QTMAN: variants seen among roughly 807,000 people sequenced by gnomAD.
QTMAN encodes the protein tRNA-queuosine alpha-mannosyltransferase.
chr2:144,260,076 T>G, the QTMAN span, among the ~76,000 whole-genome samples: 1 of 152,192 alleles, frequency 6.6e-6, no homozygotes, highest in Non-Finnish European at 1.5e-5. Flanking sequence ...TGAGATAATA[T>G]GTAGTTAACT....
At chr2:144,163,176 A>T in the QTMAN span, among the ~76,000 whole-genome samples, 5 of 152,142 alleles carry the variant, frequency 3.3e-5, no homozygotes, top group African/African-American at 9.6e-5. Flanking sequence ...GTAAGACTAG[A>T]TACATAGGAA....
the QTMAN span, among the ~76,000 whole-genome samples, chr2:144,267,587 G>A: frequency 3.9e-5 from 6 of 152,188 alleles, no homozygotes; most frequent in African/African-American, 7.2e-5. Flanking sequence ...AACTGAAGGT[G>A]AAATTCACAG....
At chr2:144,022,934 A>G in the QTMAN span, among the ~76,000 whole-genome samples, 4 of 152,010 alleles carry the variant, frequency 2.6e-5, no homozygotes, top group African/African-American at 9.7e-5. Context: ...ATATATAAAA[A>G]TCCTATTTAG....
chr2:143,987,942 G>C, the QTMAN span, among the ~76,000 whole-genome samples: 15 of 152,140 alleles, frequency 9.9e-5, no homozygotes, highest in African/African-American at 2.9e-4. Context: ...AGAGGTTATC[G>C]ATACTCTTGA....
chr2:144,001,052 TAA>T, the QTMAN span, among the ~76,000 whole-genome samples: 1 of 151,988 alleles, frequency 6.6e-6, no homozygotes, highest in East Asian at 1.9e-4. Flanking sequence ...ATACTTTTCC[TAA>T]GTTATTTCAG....
At chr2:144,174,403 T>C in the QTMAN span, among the ~76,000 whole-genome samples, 1 of 152,228 alleles carries the variant, frequency 6.6e-6, no homozygotes, top group Non-Finnish European at 1.5e-5. Flanking sequence ...CCCTCATTGC[T>C]AAATGTCCAG....
the QTMAN span, among the ~76,000 whole-genome samples, chr2:144,195,022 T>C: frequency 6.6e-6 from 1 of 152,164 alleles, no homozygotes; most frequent in Non-Finnish European, 1.5e-5. Context: ...TTTGTAACTA[T>C]TCATGCCCCA....
the QTMAN span, among the ~76,000 whole-genome samples, chr2:144,296,067 T>G: frequency 6.6e-6 from 1 of 152,192 alleles, no homozygotes; most frequent in African/African-American, 2.4e-5. Flanking sequence ...AAGAATATAT[T>G]GTATGGACAT....
chr2:144,329,546 T>G, the QTMAN span, among the ~76,000 whole-genome samples: 2 of 152,218 alleles, frequency 1.3e-5, no homozygotes, highest in African/African-American at 2.4e-5. Context: ...TCAATTCAGG[T>G]TGTCACACTT....
At chr2:144,039,443 C>G in the QTMAN span, among the ~76,000 whole-genome samples, 1 of 152,046 alleles carries the variant, frequency 6.6e-6, no homozygotes, top group African/African-American at 2.4e-5. Flanking sequence ...CTTCTGGTTT[C>G]TAGGCGGGGG....
the QTMAN span, among the ~76,000 whole-genome samples, chr2:144,214,782 A>G: frequency 6.6e-6 from 1 of 152,332 alleles, no homozygotes; most frequent in African/African-American, 2.4e-5. Flanking sequence ...TCTGTGAGAA[A>G]ATTTAAAGCT....
the QTMAN span, among the ~76,000 whole-genome samples, chr2:144,024,680 C>G: frequency 6.6e-6 from 1 of 152,108 alleles, no homozygotes; most frequent in African/African-American, 2.4e-5. Flanking sequence ...AGAATGAAGA[C>G]CTGCTATGCA....
At chr2:144,096,035 G>T in the QTMAN span, among the ~76,000 whole-genome samples, 1 of 152,210 alleles carries the variant, frequency 6.6e-6, no homozygotes, top group African/African-American at 2.4e-5. Context: ...ACAAGAACAA[G>T]ATACTCTCTA....
the QTMAN span, among the ~76,000 whole-genome samples, chr2:144,073,132 A>G: frequency 1.3e-5 from 2 of 152,058 alleles, no homozygotes; most frequent in Non-Finnish European, 2.9e-5. Context: ...TTGCAACTTG[A>G]TAACAACATA....
the QTMAN span, among the ~76,000 whole-genome samples, chr2:144,303,044 G>C: frequency 1.1e-4 from 17 of 152,192 alleles, no homozygotes; most frequent in Admixed American, 1.1e-3. Context: ...GGAGGTTGCA[G>C]TGAGCAGAGA....
At chr2:144,196,841 T>G in the QTMAN span, among the ~76,000 whole-genome samples, 1 of 152,184 alleles carries the variant, frequency 6.6e-6, no homozygotes, top group Non-Finnish European at 1.5e-5. Context: ...GCATAATACA[T>G]GAACTCTACA....
the QTMAN span, among the ~76,000 whole-genome samples, chr2:144,108,861 T>C: frequency 6.6e-6 from 1 of 152,144 alleles, no homozygotes; most frequent in Non-Finnish European, 1.5e-5. Flanking sequence ...ACAAGGGATG[T>C]GAAGGACCTC....
At chr2:144,068,201 A>G in the QTMAN span, among the ~76,000 whole-genome samples, 1 of 152,232 alleles carries the variant, frequency 6.6e-6, no homozygotes, top group Non-Finnish European at 1.5e-5. Flanking sequence ...TATGACAGGC[A>G]TCTAAAGACT....
the QTMAN span, among the ~76,000 whole-genome samples, chr2:144,300,904 C>T: frequency 6.6e-6 from 1 of 152,156 alleles, no homozygotes; most frequent in Non-Finnish European, 1.5e-5. Flanking sequence ...AACCAGAAGC[C>T]CCCAAAATTT....
Sources: gnomAD v4.1 joint callset for allele counts (sites outside exome capture counted in the v4.1 genomes callset) on GRCh38, gnomAD v4.1.1 for gene constraint, MANE v1.5 for transcripts, NCBI Gene and HGNC (gene_info 2026-07-23, HGNC 2026-07-21) for gene names.